IMMP2L: variants seen among roughly 807,000 people sequenced by gnomAD.
IMMP2L encodes inner mitochondrial membrane peptidase subunit 2.
Under a neutral mutation model 19.3 loss-of-function variants are expected in IMMP2L, and 18 were observed. That is an observed-to-expected ratio of 0.93 (90% CI 0.64 to 1.38). IMMP2L has a LOEUF of 1.38. IMMP2L is among the 40% of genes most tolerant of loss of function. The pLI is 0.00. For missense variants in IMMP2L, 233 were observed against 218.2 expected (o/e 1.07, Z -0.43); for synonymous variants, 76 against 73.0 (o/e 1.04, Z -0.21).
At chr7:111,192,388 TTTA>T (rs1297451394) in intron 3 of IMMP2L, among the ~76,000 whole-genome samples, 1 of 152,124 alleles carries the variant, frequency 6.6e-6, no homozygotes, top group Non-Finnish European at 1.5e-5. Context: ...TTCAAAAAAT[TTTA>T]TTTTTATTTC....
intron 4 of IMMP2L, among the ~76,000 whole-genome samples, chr7:110,890,966 C>G (rs1190449206): frequency 6.6e-6 from 1 of 151,894 alleles, no homozygotes; most frequent in Non-Finnish European, 1.5e-5. Flanking sequence ...AAGTATTTCC[C>G]AAATACATAT....
chr7:111,343,291 C>G (rs1433198413), intron 3 of IMMP2L, among the ~76,000 whole-genome samples: 1 of 152,054 alleles, frequency 6.6e-6, no homozygotes, highest in Non-Finnish European at 1.5e-5. Context: ...AGTATTATAA[C>G]ATGCCCTGCT....
intron 5 of IMMP2L, among the ~76,000 whole-genome samples, chr7:110,782,058 G>T (rs181255535): frequency 1.3e-5 from 2 of 151,774 alleles, no homozygotes; most frequent in African/African-American, 2.4e-5. Context: ...TAATTTAGCC[G>T]CTAGCCGAGT....
intron 3 of IMMP2L, among the ~76,000 whole-genome samples, chr7:111,221,575 C>T (rs1451101471): frequency 6.6e-6 from 1 of 151,860 alleles, no homozygotes; most frequent in Non-Finnish European, 1.5e-5. Flanking sequence ...ATACGGTACA[C>T]AGGGGAAAAT....
At chr7:111,445,063 T>C (rs950277483) in intron 3 of IMMP2L, among the ~76,000 whole-genome samples, 46 of 152,250 alleles carry the variant, frequency 3.0e-4, no homozygotes, top group African/African-American at 9.6e-4. Context: ...AATCAATTGC[T>C]AGATCTAAAC....
Position 111,175,250 on chromosome 7 carries a change from G to A in IMMP2L, c.240-211685C>T, listed in dbSNP as rs1263748929. On this transcript the variant is annotated intron_variant, in intron 3 of 5. Transcript: ENST00000405709. ...AAAAGGTCTTACAATAACAGGCAGC[G>A]TTTTCCCCATCTTAGCTTAGCCACA... Among the ~76,000 whole-genome samples the A allele has an allele frequency of 2.6e-5, 4 of 151,872 alleles. No individual in the cohort carries two copies. The East Asian group carries it at 7.8e-4, about 30-fold the overall frequency.
intron 3 of IMMP2L, among the ~76,000 whole-genome samples, chr7:111,282,678 G>A (rs1054821529): frequency 6.6e-6 from 1 of 151,946 alleles, no homozygotes; most frequent in African/African-American, 2.4e-5. Flanking sequence ...CAACCTCCCA[G>A]GCTCAGGCAA....
At chr7:111,359,516 G>A (rs1189075915) in intron 3 of IMMP2L, among the ~76,000 whole-genome samples, 2 of 151,828 alleles carry the variant, frequency 1.3e-5, no homozygotes, top group Non-Finnish European at 2.9e-5. Flanking sequence ...TGGCCCATCT[G>A]GTCTGGAACT....
chr7:111,485,904 A>C (rs1182016021), intron 3 of IMMP2L, among the ~76,000 whole-genome samples: 3 of 152,136 alleles, frequency 2.0e-5, no homozygotes, highest in African/African-American at 7.2e-5. Flanking sequence ...AATACTGCAC[A>C]ATTGTCTGCG....
intron 4 of IMMP2L, among the ~76,000 whole-genome samples, chr7:110,890,186 C>T (rs799637): frequency 0.013 from 2,042 of 152,176 alleles, 39 homozygotes; most frequent in African/African-American, 0.046. Flanking sequence ...TCTTTTGCTC[C>T]TACGTCCTTC....
chr7:110,716,009 G>A (rs558704107), intron 5 of IMMP2L, among the ~76,000 whole-genome samples: 3 of 152,134 alleles, frequency 2.0e-5, no homozygotes, highest in African/African-American at 7.2e-5. Context: ...TCATCATTAT[G>A]TAATGCCCTT....
intron 3 of IMMP2L, among the ~76,000 whole-genome samples, chr7:111,019,680 A>G (rs1048825740): frequency 2.6e-5 from 4 of 152,212 alleles, no homozygotes; most frequent in Non-Finnish European, 4.4e-5. Context: ...TCCTGCCTAG[A>G]GAGTTAAAAA....
chr7:111,387,478 T>C (rs1202139602), intron 3 of IMMP2L, among the ~76,000 whole-genome samples: 1 of 152,162 alleles, frequency 6.6e-6, no homozygotes, highest in Non-Finnish European at 1.5e-5. Flanking sequence ...GTTTTAGCTA[T>C]TGCTTATCAA....
At chr7:110,995,630 C>A (rs1822949060) in intron 3 of IMMP2L, among the ~76,000 whole-genome samples, 1 of 152,078 alleles carries the variant, frequency 6.6e-6, no homozygotes, top group Non-Finnish European at 1.5e-5. Flanking sequence ...CTTTCTGGTA[C>A]AAGCTTGTGA....
At chr7:110,780,065 T>A (rs750964036) in intron 5 of IMMP2L, among the ~76,000 whole-genome samples, 12 of 151,952 alleles carry the variant, frequency 7.9e-5, no homozygotes, top group Non-Finnish European at 1.6e-4. Flanking sequence ...CCTTTTGTAC[T>A]GTCTTTAAAA....
chr7:111,288,121 T>C (rs1379798263), intron 3 of IMMP2L, among the ~76,000 whole-genome samples: 1 of 152,138 alleles, frequency 6.6e-6, no homozygotes, highest in Non-Finnish European at 1.5e-5. Flanking sequence ...TGCACTAAGA[T>C]ATATGTTAAA....
intron 3 of IMMP2L, among the ~76,000 whole-genome samples, chr7:111,018,792 TA>T (rs1825969943): frequency 1.2e-4 from 2 of 16,082 alleles, no homozygotes; most frequent in Non-Finnish European, 2.9e-4. Context: ...GTCTTTTTAT[TA>T]TTATTATTAT....
chr7:110,973,602 T>C (rs1428764970), intron 3 of IMMP2L, among the ~76,000 whole-genome samples: 1 of 152,158 alleles, frequency 6.6e-6, no homozygotes, highest in East Asian at 1.9e-4. Context: ...ATAGCCACTT[T>C]TTTTCTAGTT....
intron 2 of IMMP2L, among the ~76,000 whole-genome samples, chr7:111,500,158 A>G (rs1376937922): frequency 6.6e-6 from 1 of 152,096 alleles, no homozygotes; most frequent in East Asian, 1.9e-4. Context: ...AGGAGATTAT[A>G]TCCCGCACCT....
Sources: gnomAD v4.1 joint callset for allele counts (sites outside exome capture counted in the v4.1 genomes callset) on GRCh38, gnomAD v4.1.1 for gene constraint, MANE v1.5 for transcripts, NCBI Gene and HGNC (gene_info 2026-07-23, HGNC 2026-07-21) for gene names.